CFAP58: variants seen among roughly 807,000 people sequenced by gnomAD.
The protein encoded by CFAP58 is cilia and flagella associated protein 58.
CFAP58 carries 88 observed loss-of-function variants against 119.5 expected under a neutral mutation model. The observed-to-expected ratio is 0.74, with a 90% CI of 0.62 to 0.88. The LOEUF (loss-of-function observed/expected upper bound fraction) is 0.88. Ranked by LOEUF, CFAP58 falls within the 40% of genes least tolerant of loss-of-function variation. The pLI is 0.00. For synonymous variants in CFAP58, 365 were observed against 366.3 expected, an observed-to-expected ratio of 1.00 and a Z score of 0.04; for missense variants, 990 against 1,021.2, an observed-to-expected ratio of 0.97 and a Z score of 0.42.
At chr10:104,365,743 G>A (rs756280651) in intron 4 of CFAP58, 71 bp from the exon 5 acceptor site, 2 of 1,366,544 alleles carry the variant, frequency 1.5e-6, no homozygotes, top group Non-Finnish European at 2.0e-6. Context: ...GAGAGGAGGG[G>A]GCTTGGCTGG....
chr10:104,409,203 G>GT (rs1186610022), intron 15 of CFAP58, among the ~76,000 whole-genome samples: 1 of 152,110 alleles, frequency 6.6e-6, no homozygotes, highest in Non-Finnish European at 1.5e-5. Flanking sequence ...TCCTTTGACA[G>GT]TAAGTCTTAA....
chr10:104,373,435 G>A (rs2014849536), intron 7 of CFAP58, among the ~76,000 whole-genome samples: 1 of 151,968 alleles, frequency 6.6e-6, no homozygotes, highest in Admixed American at 6.6e-5. Context: ...GGGGTTCAAG[G>A]CCAGTCTAGG....
intron 15 of CFAP58, among the ~76,000 whole-genome samples, chr10:104,411,011 C>T (rs993054173): frequency 6.6e-6 from 1 of 152,096 alleles, no homozygotes; most frequent in Non-Finnish European, 1.5e-5. Flanking sequence ...GCAATCTTGG[C>T]GCACTGCAAC....
At chr10:104,365,498 A>G (rs919167984) in intron 4 of CFAP58, among the ~76,000 whole-genome samples, 3 of 152,206 alleles carry the variant, frequency 2.0e-5, no homozygotes, top group African/African-American at 7.2e-5. Flanking sequence ...TTGATAAAGA[A>G]CGGGATGAAT....
Sources: gnomAD v4.1 joint callset for allele counts (sites outside exome capture counted in the v4.1 genomes callset) on GRCh38, gnomAD v4.1.1 for gene constraint, MANE v1.5 for transcripts, NCBI Gene and HGNC (gene_info 2026-07-23, HGNC 2026-07-21) for gene names.